Variants in TRIM66 observed in about 807,000 individuals in gnomAD.
The protein encoded by TRIM66 is tripartite motif-containing protein 66.
Under a neutral mutation model 148.2 loss-of-function variants are expected in TRIM66, and 99 were observed. The ratio of observed to expected loss-of-function variants is 0.67; its 90% CI spans 0.57 to 0.79. The LOEUF (loss-of-function observed/expected upper bound fraction) is 0.79, where lower values mean the gene tolerates loss of function less well. Ranked by LOEUF, TRIM66 falls within the 30% of genes least tolerant of loss-of-function variation. The pLI is 0.00. For synonymous variants in TRIM66, 616 were observed against 635.9 expected (o/e 0.97, Z 0.47); for missense variants, 1,666 against 1,697.9 (o/e 0.98, Z 0.33).
In TRIM66 at chr11:8,640,187, G is replaced by A. The variant is rs879006419; in HGVS notation, c.2148+40C>T. The A allele has an allele frequency of 5.9e-6, 9 of 1,529,332 alleles. No homozygotes were observed. In the South Asian group the frequency reaches 8.6e-5, roughly 15 times the overall value. The allele number at this position is 1,529,332 out of a possible 1,614,324, so 94.7% of individuals were successfully genotyped here. ...GGCTGTGTTCCCTGAGTGATCCTAC[G>A]ATGGGCAGAATATGCACGCCAAGCC... On this transcript the variant is annotated intron_variant, in intron 14 of 24. Transcript: ENST00000646038.
Position 8,679,608 on chromosome 11 carries a change from T to TG in TRIM66, c.-190+11dup, listed in dbSNP as rs1199700522. On this transcript the variant is annotated intron_variant, in intron 3 of 24. Transcript: ENST00000646038. Reference sequence around the variant, plus strand: ...TGGTTCCCTTTCATTCCCAAGGCCCTGCCCAGCTTACCTCCATTGACAGAT... The same window carrying TG: ...TGGTTCCCTTTCATTCCCAAGGCCCTGGCCCAGCTTACCTCCATTGACAGAT... 2 of 152,746 alleles carry TG rather than the reference T, an allele frequency of 1.3e-5. No homozygotes were observed. Among genetic ancestry groups the TG allele is most frequent in the African/African-American group, 4.8e-5 (2 of 41,452 alleles). The allele number at this position is 152,746 out of a possible 1,614,324, so 9.5% of individuals were successfully genotyped here. A position where few individuals can be genotyped will look rare whatever the true frequency, so the allele number is the denominator to read the frequency against.
chr11:8,672,233 G>A lies in TRIM66; in HGVS notation c.27+15C>T. ...TCCAGAGCTGGAGGCTCATGCCTCAGCCTCAGTTCCTCACCTGGGACCAAA... is the reference window on the plus strand; with the variant it reads ...TCCAGAGCTGGAGGCTCATGCCTCAACCTCAGTTCCTCACCTGGGACCAAA... On this transcript the variant is annotated intron_variant, in intron 5 of 24. Coordinates refer to ENST00000646038, the MANE Select transcript of TRIM66 (RefSeq NM_001388022.1). 1 of 1,536,178 alleles carries A rather than the reference G, an allele frequency of 6.5e-7. No individual in the cohort carries two copies. The highest frequency in any genetic ancestry group is 1.2e-5 in the South Asian group (1 of 84,068).
chr11:8,674,025 A>G (rs1163989294), intron 4 of TRIM66, among the ~76,000 whole-genome samples: 2 of 152,264 alleles, frequency 1.3e-5, no homozygotes, highest in Non-Finnish European at 2.9e-5. Context: ...TCTGGGCATT[A>G]TTTAGCAGAA....
chr11:8,682,823 G>C (rs1420801646), upstream of TRIM66: 1 of 1,612,190 alleles, frequency 6.2e-7, no homozygotes, highest in East Asian at 2.2e-5. Context: ...CATGGTAGGT[G>C]TTTCGTTTCT....
At chr11:8,667,089 A>AT (rs1374710938) in intron 6 of TRIM66, among the ~76,000 whole-genome samples, 1 of 152,174 alleles carries the variant, frequency 6.6e-6, no homozygotes, top group East Asian at 1.9e-4. Context: ...AAGTGCTGGG[A>AT]TTACAGGCAT....
intron 15 of TRIM66, among the ~76,000 whole-genome samples, chr11:8,631,321 T>G (rs2035373498): frequency 6.6e-6 from 1 of 152,214 alleles, no homozygotes. Context: ...AAGATAATAT[T>G]GCTGGGGATA....
chr11:8,655,379 A>G (rs2037734573), intron 6 of TRIM66, among the ~76,000 whole-genome samples: 1 of 152,018 alleles, frequency 6.6e-6, no homozygotes, highest in African/African-American at 2.4e-5. Flanking sequence ...TGGGTAAGTC[A>G]CCCCCTTTCA....
intron 6 of TRIM66, among the ~76,000 whole-genome samples, chr11:8,660,568 T>A (rs1043012101): frequency 1.3e-5 from 2 of 152,248 alleles, no homozygotes; most frequent in African/African-American, 2.4e-5. Flanking sequence ...ATGGTAGAGC[T>A]AAGTAGTTGT....
intron 11 of TRIM66, among the ~76,000 whole-genome samples, chr11:8,646,122 G>A (rs563065213): frequency 3.3e-5 from 5 of 152,286 alleles, no homozygotes; most frequent in Admixed American, 6.5e-5. Context: ...AAGAGGAAAT[G>A]AATAAATGTC....
Position 8,624,959 on chromosome 11 carries a change from G to A in TRIM66, c.2580C>T (p.Pro860=). The A allele has an allele frequency of 1.9e-6, 3 of 1,551,762 alleles. No individual in the cohort carries two copies. The highest frequency in any genetic ancestry group is 2.6e-6 in the Non-Finnish European group (3 of 1,147,012). The change falls in exon 16 of 25, where the codon CCC becomes CCT. Residue 860 remains proline (P), a synonymous_variant. Transcript: ENST00000646038. The part of the protein sequence containing the change: ...SLVHSTFQSM[P]NLISDSPQAM... ...CCTGAGGGGAGTCACTTATCAGGTT[G>A]GGCATGGACTGGAATGTGCTATGCA...
Position 8,645,835 on chromosome 11 carries a change from A to C in TRIM66, c.1010T>G (p.Met337Arg). Reference sequence around the variant, plus strand: ...ATGCTCAAACTGACGGTTGAGAACCATGATGCTCTGTAACTGCTGTTCCAG... The same window carrying C: ...ATGCTCAAACTGACGGTTGAGAACCCTGATGCTCTGTAACTGCTGTTCCAG... ...RKLEQQLQSI[M>R]VLNRQFEHVQ... Residue 337 changes from methionine to arginine, a missense_variant, in exon 12 of 25, where the codon ATG (methionine) becomes AGG (arginine). Met to Arg is a moderately conservative substitution (Grantham distance 91). Around this residue, in one of 3 missense-constraint regions of TRIM66, gnomAD observed 1,431 missense variants for 1,412.4 expected, o/e 1.01. Coordinates refer to ENST00000646038, the MANE Select transcript of TRIM66 (RefSeq NM_001388022.1). The C allele has an allele frequency of 1.3e-6, 2 of 1,551,716 alleles. No individual in the cohort carries two copies. Among genetic ancestry groups the C allele is most frequent in the Middle Eastern group, 1.7e-4 (1 of 5,990 alleles).
chr11:8,648,930 G>C (rs1338566336), intron 8 of TRIM66, among the ~76,000 whole-genome samples: 2 of 152,254 alleles, frequency 1.3e-5, no homozygotes, highest in African/African-American at 4.8e-5. Context: ...GCCTTGCCAG[G>C]CTCCAGGCTA....
chr11:8,630,045 G>T (rs145547189), intron 15 of TRIM66, among the ~76,000 whole-genome samples: 2 of 152,124 alleles, frequency 1.3e-5, no homozygotes, highest in Non-Finnish European at 2.9e-5. Context: ...AAAACAAAAG[G>T]TACTTATTTC....
intron 6 of TRIM66, among the ~76,000 whole-genome samples, chr11:8,668,575 C>G (rs1346469046): frequency 6.6e-6 from 1 of 151,390 alleles, no homozygotes; most frequent in African/African-American, 2.4e-5. Flanking sequence ...TGGCATATTC[C>G]TTTTATTTTT....
At chr11:8,681,134 A>ATT (rs72232543) in intron 1 of TRIM66, among the ~76,000 whole-genome samples, 162 of 141,494 alleles carry the variant, frequency 1.1e-3, no homozygotes, top group African/African-American at 1.3e-3. Flanking sequence ...GAATTTTGGA[A>ATT]TTTTTTTTTT....
At chr11:8,644,260 C>A in intron 12 of TRIM66, 1 of 348,988 alleles carries the variant, frequency 2.9e-6, no homozygotes, top group Non-Finnish European at 5.6e-6. Context: ...CATACCAAAG[C>A]CATGTTATCT....
chr11:8,625,492 T>TGTGTGTGTGTGTGTGC (rs1185732409), intron 15 of TRIM66, among the ~76,000 whole-genome samples: 1 of 138,838 alleles, frequency 7.2e-6, no homozygotes, highest in African/African-American at 2.6e-5. Flanking sequence ...TGTGTGTGTG[T>TGTGTGTGTGTGTGTGC]GTCACAGCAA....
chr11:8,678,691 CT>C (rs1397165181), intron 3 of TRIM66, among the ~76,000 whole-genome samples: 2 of 152,162 alleles, frequency 1.3e-5, no homozygotes, highest in Non-Finnish European at 2.9e-5. Context: ...CAGTGCTCTA[CT>C]TAAAAAAGAA....
intron 11 of TRIM66, 42 bp from the exon 12 acceptor site, chr11:8,645,929 G>A: frequency 6.5e-7 from 1 of 1,542,332 alleles, no homozygotes; most frequent in Non-Finnish European, 8.8e-7. Context: ...CCTGTTACTG[G>A]ACTGTAATCC....
Sources: gnomAD v4.1 joint callset for allele counts (sites outside exome capture counted in the v4.1 genomes callset) on GRCh38, gnomAD v4.1.1 for gene constraint, gnomAD v4.1.1 regional missense constraint, MANE v1.5 for transcripts, NCBI Gene and HGNC (gene_info 2026-07-23, HGNC 2026-07-21) for gene names.